Variants in USP13 observed in about 807,000 individuals in gnomAD.
USP13 encodes the protein ubiquitin specific peptidase 13.
USP13 carries 68 observed loss-of-function variants against 107.8 expected under a neutral mutation model. The observed-to-expected ratio is 0.63, with a 90% CI of 0.52 to 0.77. The LOEUF (loss-of-function observed/expected upper bound fraction) is 0.77, where lower values mean the gene tolerates loss of function less well. Among genes scored for constraint, USP13 ranks in the 30% least tolerant of loss-of-function variants. The pLI is 0.00. For synonymous variants in USP13, 377 were observed against 389.5 expected (o/e 0.97, Z 0.38); for missense variants, 945 against 1,093.3 (o/e 0.86, Z 1.91).
At chr3:179,762,910 T>G (rs1449226117) in intron 17 of USP13, among the ~76,000 whole-genome samples, 2 of 152,192 alleles carry the variant, frequency 1.3e-5, no homozygotes, top group African/African-American at 4.8e-5. Flanking sequence ...TATTATTATC[T>G]TTTTTATCAT....
intron 6 of USP13, among the ~76,000 whole-genome samples, chr3:179,719,578 A>G (rs1282006813): frequency 6.6e-6 from 1 of 152,142 alleles, no homozygotes; most frequent in Non-Finnish European, 1.5e-5. Context: ...TCCTGTGCCC[A>G]TCCCTCTTCC....
At chr3:179,709,850 T>A (rs1452663057) in intron 6 of USP13, among the ~76,000 whole-genome samples, 1 of 152,198 alleles carries the variant, frequency 6.6e-6, no homozygotes, top group African/African-American at 2.4e-5. Context: ...AAACATGTCT[T>A]CTCTCTTTTC....
chr3:179,676,324 T>G (rs1279787928), intron 1 of USP13, among the ~76,000 whole-genome samples: 1 of 152,198 alleles, frequency 6.6e-6, no homozygotes, highest in East Asian at 1.9e-4. Flanking sequence ...CAGTTGCATT[T>G]CACTGTCATC....
At chr3:179,702,727 A>G (rs1712579230) in intron 4 of USP13, among the ~76,000 whole-genome samples, 1 of 152,160 alleles carries the variant, frequency 6.6e-6, no homozygotes, top group Admixed American at 6.5e-5. Flanking sequence ...GAATTAAATT[A>G]CCTTTGCTTT....
Position 179,763,741 on chromosome 3 carries a change from A to G in USP13, c.2093-261A>G, listed in dbSNP as rs139710041. Among the ~76,000 whole-genome samples, 1,023 of 152,194 alleles carry G rather than the reference A, an allele frequency of 6.7e-3. 2 individuals carry two copies. The highest frequency in any genetic ancestry group is 0.011 in the Non-Finnish European group (750 of 68,020). On this transcript the variant is annotated intron_variant, in intron 17 of 20. Coordinates refer to ENST00000263966, the MANE Select transcript of USP13 (RefSeq NM_003940.3). ...AGCTGGATTACAGGTGTGCACCACC[A>G]TGCCCTGCTAATTTTTGTATTTTTA...
At chr3:179,677,849 C>G (rs1711522519) in intron 1 of USP13, among the ~76,000 whole-genome samples, 1 of 152,088 alleles carries the variant, frequency 6.6e-6, no homozygotes, top group Non-Finnish European at 1.5e-5. Flanking sequence ...GGCTGTCAGA[C>G]TCACTTATTC....
intron 19 of USP13, among the ~76,000 whole-genome samples, chr3:179,774,379 G>T (rs952590004): frequency 2.6e-5 from 4 of 152,164 alleles, no homozygotes; most frequent in African/African-American, 9.7e-5. Flanking sequence ...TAAAGATGGT[G>T]TGTCCGCAGT....
intron 17 of USP13, among the ~76,000 whole-genome samples, chr3:179,763,382 TA>T (rs1715070043): frequency 6.6e-6 from 1 of 152,244 alleles, no homozygotes; most frequent in Non-Finnish European, 1.5e-5. Flanking sequence ...CATTTTGAGT[TA>T]ATTTTGTGTA....
intron 19 of USP13, among the ~76,000 whole-genome samples, chr3:179,780,886 A>G (rs1462052148): frequency 6.6e-6 from 1 of 152,130 alleles, no homozygotes; most frequent in Admixed American, 6.5e-5. Context: ...TTTTTTCCTT[A>G]TTAAATTCAA....
intron 2 of USP13, among the ~76,000 whole-genome samples, chr3:179,687,111 A>G (rs1711899758): frequency 6.6e-6 from 1 of 152,164 alleles, no homozygotes; most frequent in Non-Finnish European, 1.5e-5. Context: ...AGATCTGATC[A>G]TCTTATTCTG....
intron 3 of USP13, among the ~76,000 whole-genome samples, chr3:179,695,096 C>T (rs1458541705): frequency 6.6e-6 from 1 of 152,208 alleles, no homozygotes; most frequent in East Asian, 1.9e-4. Context: ...CTCTTTCCCT[C>T]AAAGGGATGC....
At chr3:179,730,063 T>C in intron 8 of USP13, 126 bp from the exon 9 acceptor site, 1 of 829,552 alleles carries the variant, frequency 1.2e-6, no homozygotes, top group Non-Finnish European at 1.9e-6. Flanking sequence ...ATGAAAAACT[T>C]TTCTTCAGGT....
At chr3:179,702,593 C>G (rs1463510618) in intron 4 of USP13, among the ~76,000 whole-genome samples, 1 of 152,196 alleles carries the variant, frequency 6.6e-6, no homozygotes, top group Admixed American at 6.5e-5. Context: ...CGGTTTCCAC[C>G]ATTCATTCCC....
chr3:179,705,101 C>T (rs1270213624), intron 4 of USP13, among the ~76,000 whole-genome samples: 4 of 152,066 alleles, frequency 2.6e-5, no homozygotes, highest in Non-Finnish European at 4.4e-5. Flanking sequence ...TGAGGCCCAT[C>T]GCAGGGCTGC....
chr3:179,760,139 TGA>T (rs1714950820), intron 16 of USP13, among the ~76,000 whole-genome samples: 1 of 152,190 alleles, frequency 6.6e-6, no homozygotes. Flanking sequence ...TGGTGTAATT[TGA>T]GAACAGTGTG....
At chr3:179,663,572 C>T (rs1297684637) in intron 1 of USP13, among the ~76,000 whole-genome samples, 5 of 152,176 alleles carry the variant, frequency 3.3e-5, no homozygotes, top group Non-Finnish European at 7.4e-5. Context: ...GCAGAAGCTT[C>T]CTAACAACCA....
At chr3:179,766,329 G>A (rs552068727) in intron 19 of USP13, among the ~76,000 whole-genome samples, 126 of 152,258 alleles carry the variant, frequency 8.3e-4, no homozygotes, top group Non-Finnish European at 1.3e-3. Flanking sequence ...ATAGGCCCCG[G>A]TGATCTGATA....
At position 179,700,668 on chromosome 3, in the gene USP13, T is replaced by C. The variant is rs114065489; in HGVS notation, c.356-340T>C. 5.8e-3 allele frequency among the ~76,000 whole-genome samples: 879 copies of C among 152,288 alleles called. 7 individuals are homozygous for C. Among genetic ancestry groups the C allele is most frequent in the African/African-American group, 0.02 (851 of 41,554 alleles). Reference sequence around the variant, plus strand: ...GTACCTGACACATCGTAATTACCAATCCTTGCCTTTTTAAGAGTTTCTAAG... The same window carrying C: ...GTACCTGACACATCGTAATTACCAACCCTTGCCTTTTTAAGAGTTTCTAAG... On this transcript the variant is annotated intron_variant, in intron 3 of 20. Transcript: ENST00000263966.
chr3:179,721,366 A>G lies in USP13; in HGVS notation c.901-36A>G, dbSNP rs371924516. ...GACATGACCTTTGAATGGGAATCAC[A>G]TTTAAAGTTGTTTTTCTTCGATGAC... On this transcript the variant is annotated intron_variant, in intron 7 of 20. Transcript: ENST00000263966. This position sits in a 1 kb window ranked among gnomAD's most constrained non-coding sequence, Gnocchi z 4.3. The G allele has an allele frequency of 1.2e-5, 19 of 1,600,640 alleles. No individual in the cohort carries two copies. In the African/African-American group the frequency reaches 2.4e-4, roughly 20 times the overall value.
Sources: allele counts gnomAD v4.1 joint callset (sites outside exome capture counted in the v4.1 genomes callset), GRCh38; gene constraint gnomAD v4.1.1; non-coding constraint Gnocchi (gnomAD v3.1); transcripts MANE v1.5; gene names NCBI Gene and HGNC (gene_info 2026-07-23, HGNC 2026-07-21).